The following PM20D2 variants were observed in gnomAD, a reference collection of about 807,000 sequenced individuals.
The protein encoded by PM20D2 is peptidase M20 domain containing 2.
A neutral mutation model predicts 42.9 loss-of-function variants in PM20D2; 33 were observed. The ratio of observed to expected loss-of-function variants is 0.77; its 90% CI spans 0.58 to 1.03. The LOEUF (loss-of-function observed/expected upper bound fraction) is 1.03. Ranked by LOEUF, PM20D2 falls within the 50% of genes least tolerant of loss-of-function variation. The pLI is 0.00. For missense variants in PM20D2, 548 were observed against 557.0 expected, an observed-to-expected ratio of 0.98 and a Z score of 0.16; for synonymous variants, 250 against 228.2, an observed-to-expected ratio of 1.10 and a Z score of -0.86.
chr6:89,133,790 C>T, the PM20D2 span, among the ~76,000 whole-genome samples: 3 of 151,158 alleles, frequency 2.0e-5, no homozygotes, highest in Non-Finnish European at 4.4e-5. Context: ...AGGAAGGAAG[C>T]CACACACTGG....
the PM20D2 span, chr6:89,105,324 T>G: frequency 4.5e-6 from 7 of 1,566,766 alleles, no homozygotes; most frequent in Admixed American, 1.3e-4. Flanking sequence ...TAACAACCAC[T>G]CAACTAGCAA....
intron 1 of PM20D2, among the ~76,000 whole-genome samples, chr6:89,147,186 C>G (rs1469341224): frequency 6.6e-6 from 1 of 152,064 alleles, no homozygotes; most frequent in Non-Finnish European, 1.5e-5. Context: ...TGAGTTCATC[C>G]TTAAGTCTTA....
the PM20D2 span, among the ~76,000 whole-genome samples, chr6:89,135,669 C>T: frequency 2.0e-5 from 3 of 151,234 alleles, no homozygotes; most frequent in Non-Finnish European, 2.9e-5. Context: ...GTACCCTATA[C>T]GCAGTAATTC....
intron 5 of PM20D2, among the ~76,000 whole-genome samples, chr6:89,160,017 G>C (rs979525162): frequency 6.6e-6 from 1 of 152,158 alleles, no homozygotes. Flanking sequence ...CTAGGGTCTA[G>C]TTCCACAAGT....
chr6:89,146,481 G>C lies in PM20D2; in HGVS notation c.337G>C (p.Glu113Gln), dbSNP rs1459857726. The C allele has an allele frequency of 6.6e-7, 1 of 1,523,950 alleles. No individual in the cohort carries two copies. The highest frequency in any genetic ancestry group is 2.5e-5 in the East Asian group (1 of 39,738). The allele number at this position is 1,523,950 out of a possible 1,614,324, so 94.4% of individuals were successfully genotyped here. ...PRPLHLGFLC[E>Q]YDALPGIGHA... ...CCCGCTGCACCTGGGCTTCCTCTGC[G>C]AGTACGACGCGCTGCCCGGCATCGG... The change falls in exon 1 of 7, where the codon GAG becomes CAG. Residue 113 changes from glutamate to glutamine, a missense_variant. Glu to Gln is a conservative substitution (Grantham distance 29). Coordinates refer to ENST00000275072, the MANE Select transcript of PM20D2 (RefSeq NM_001010853.3).
intron 4 of PM20D2, 101 bp from the exon 5 acceptor site, chr6:89,158,219 ATCTTC>A: frequency 1.0e-6 from 1 of 987,090 alleles, no homozygotes; most frequent in East Asian, 2.5e-5. Context: ...AAGGGAAAGT[ATCTTC>A]TCTTAAAACC....
rs886233477 is a variant in PM20D2 at position 89,165,371 on chromosome 6, C to T, written c.*3108C>T. On this transcript the variant is annotated 3_prime_UTR_variant, in exon 7 of 7. Transcript: ENST00000275072. ...TAAGGTTGTAAGGTATAATAAACTG[C>T]TTATTTTTTTACATACTTCATATCA... 1.6e-4 allele frequency: 24 copies of T among 151,962 alleles called. No homozygotes were observed. The highest frequency in any genetic ancestry group is 5.8e-4 in the African/African-American group (24 of 41,382). 9.4% of individuals were successfully genotyped at this position (151,962 alleles called of 1,614,324 possible). A position where few individuals can be genotyped will look rare whatever the true frequency, so the allele number is the denominator to read the frequency against.
At chr6:89,154,695 G>A (rs1770970874) in intron 3 of PM20D2, 53 bp from the exon 4 acceptor site, 2 of 1,349,462 alleles carry the variant, frequency 1.5e-6, no homozygotes, top group Non-Finnish European at 2.0e-6. Flanking sequence ...GTGTATTTAA[G>A]CTTAAAGAAA....
At chr6:89,097,365 C>T in the PM20D2 span, 2 of 152,090 alleles carry the variant, frequency 1.3e-5, no homozygotes. Flanking sequence ...ACATAAACTA[C>T]AACACATTTT....
chr6:89,098,885 C>G, the PM20D2 span: 18 of 1,613,646 alleles, frequency 1.1e-5, no homozygotes, highest in South Asian at 8.8e-5. Flanking sequence ...TGAGGTAGAC[C>G]GCCTTGGTAA....
At chr6:89,154,986 T>C in intron 4 of PM20D2, 84 bp downstream of exon 4, 1 of 1,213,282 alleles carries the variant, frequency 8.2e-7, no homozygotes, top group Non-Finnish European at 1.1e-6. Context: ...CTAACTTGAC[T>C]CTCTTATTTG....
chr6:89,112,559 C>T, the PM20D2 span, among the ~76,000 whole-genome samples: 2 of 149,158 alleles, frequency 1.3e-5, no homozygotes, highest in Non-Finnish European at 3.0e-5. Context: ...ACTACAGGCA[C>T]GCATCACCAT....
the PM20D2 span, among the ~76,000 whole-genome samples, chr6:89,117,458 C>A: frequency 4.6e-5 from 7 of 152,284 alleles, no homozygotes; most frequent in African/African-American, 1.7e-4. Context: ...AGCTGAAACG[C>A]GGGCACTCGC....
At chr6:89,112,732 T>C in the PM20D2 span, among the ~76,000 whole-genome samples, 1 of 152,130 alleles carries the variant, frequency 6.6e-6, no homozygotes, top group Non-Finnish European at 1.5e-5. Flanking sequence ...TTTCCATATA[T>C]AGCTTTTTCC....
chr6:89,152,508 A>C (rs1298313876), intron 2 of PM20D2, among the ~76,000 whole-genome samples: 6 of 152,310 alleles, frequency 3.9e-5, no homozygotes, highest in Non-Finnish European at 8.8e-5. Context: ...ATTTTGGAAC[A>C]TAATAAAATA....
the PM20D2 span, among the ~76,000 whole-genome samples, chr6:89,130,283 G>T: frequency 1.3e-5 from 2 of 151,948 alleles, no homozygotes; most frequent in Non-Finnish European, 2.9e-5. Context: ...TTCATTAGTA[G>T]AGATGAGGGC....
At chr6:89,126,631 C>CTGCA in the PM20D2 span, among the ~76,000 whole-genome samples, 3 of 143,334 alleles carry the variant, frequency 2.1e-5, no homozygotes, top group Non-Finnish European at 4.5e-5. Flanking sequence ...GATTGCGCCA[C>CTGCA]TGCACTCCAG....
intron 4 of PM20D2, among the ~76,000 whole-genome samples, chr6:89,156,132 C>T (rs920798386): frequency 6.6e-6 from 1 of 152,156 alleles, no homozygotes; most frequent in Non-Finnish European, 1.5e-5. Context: ...GATCCACCCA[C>T]CTCAGCCTCC....
rs149923425 is a variant in PM20D2, at chr6:89,149,767, A to G, written c.614+354A>G. Among the ~76,000 whole-genome samples the G allele has an allele frequency of 3.7e-3, 564 of 152,342 alleles. 7 individuals are homozygous for G. Among genetic ancestry groups the G allele is most frequent in the African/African-American group, 0.013 (529 of 41,584 alleles). ...GAATAGATTTGCGAGAGATCGTTCT[A>G]TTAGCTATGGGAAGAAACCACACTT... is the stretch of plus-strand genomic sequence containing the variant. On this transcript the variant is annotated intron_variant, in intron 2 of 6. Coordinates refer to ENST00000275072, the MANE Select transcript of PM20D2 (RefSeq NM_001010853.3).
Sources: allele counts gnomAD v4.1 joint callset (sites outside exome capture counted in the v4.1 genomes callset), GRCh38; gene constraint gnomAD v4.1.1; transcripts MANE v1.5; gene names NCBI Gene and HGNC (gene_info 2026-07-23, HGNC 2026-07-21).